KLHL1: variants seen among roughly 807,000 people sequenced by gnomAD.
The protein encoded by KLHL1 is kelch like family member 1.
KLHL1 carries 47 observed loss-of-function variants against 77.7 expected under a neutral mutation model. That is an observed-to-expected ratio of 0.60 (90% CI 0.48 to 0.77). KLHL1 has a LOEUF of 0.77. Among genes scored for constraint, KLHL1 ranks in the 30% least tolerant of loss-of-function variants. The pLI is 0.00. For missense variants in KLHL1, 925 were observed against 910.8 expected, an observed-to-expected ratio of 1.02 and a Z score of -0.20; for synonymous variants, 360 against 325.2, an observed-to-expected ratio of 1.11 and a Z score of -1.15.
chr13:70,106,912 C>G (rs151214473), intron 1 of KLHL1, among the ~76,000 whole-genome samples: 2,834 of 152,242 alleles, frequency 0.019, 45 homozygotes, highest in Middle Eastern at 0.027. Flanking sequence ...ACACCATAAT[C>G]TCAGGAATAT....
At chr13:70,022,047 C>T (rs1409673566) in intron 1 of KLHL1, among the ~76,000 whole-genome samples, 1 of 151,912 alleles carries the variant, frequency 6.6e-6, no homozygotes, top group Admixed American at 6.6e-5. Context: ...TAGATACAGA[C>T]ATTGCCAAAC....
chr13:70,038,372 A>C (rs1430860366), intron 1 of KLHL1, among the ~76,000 whole-genome samples: 1 of 152,100 alleles, frequency 6.6e-6, no homozygotes, highest in African/African-American at 2.4e-5. Context: ...AATGGTGCAC[A>C]GGTTTTTATG....
In KLHL1 at chr13:69,975,816, A is replaced by G; in HGVS notation, c.498-14T>C. The G allele has an allele frequency of 3.3e-6, 5 of 1,513,660 alleles. No homozygotes were observed. The highest frequency in any genetic ancestry group is 4.4e-6 in the Non-Finnish European group (5 of 1,130,960). 93.8% of individuals were successfully genotyped at this position (1,513,660 alleles called of 1,614,324 possible). A position where few individuals can be genotyped will look rare whatever the true frequency, so the allele number is the denominator to read the frequency against. On this transcript the variant is annotated splice_polypyrimidine_tract_variant and intron_variant, in intron 1 of 10. Coordinates refer to ENST00000377844, the MANE Select transcript of KLHL1 (RefSeq NM_020866.3). Reference sequence around the variant, plus strand: ...GTTGATGACAGCCTATAAACCACACACACACACACACACACACAAAATAAT... The same window carrying G: ...GTTGATGACAGCCTATAAACCACACGCACACACACACACACACAAAATAAT...
chr13:70,041,978 G>A (rs2137380415), intron 1 of KLHL1, among the ~76,000 whole-genome samples: 1 of 152,202 alleles, frequency 6.6e-6, no homozygotes, highest in Non-Finnish European at 1.5e-5. Context: ...GTTTCCTGTT[G>A]TGTTTGGTTA....
rs1888057553 is a variant in KLHL1 at position 70,106,421 on chromosome 13, T to C, written c.497+782A>G. On this transcript the variant is annotated intron_variant, in intron 1 of 10. Transcript: ENST00000377844. ...ATGTAAAACTTGGGAGTTTTATGTC[T>C]ATGAAGGATTTTCTGTAAGTCTTTA... 2.6e-5 allele frequency among the ~76,000 whole-genome samples: 4 copies of C among 152,152 alleles called. 1 individual carries two copies. In the South Asian group the frequency reaches 8.3e-4, roughly 32 times the overall value.
intron 5 of KLHL1, among the ~76,000 whole-genome samples, chr13:69,866,152 C>G (rs534635927): frequency 6.6e-6 from 1 of 152,042 alleles, no homozygotes; most frequent in Non-Finnish European, 1.5e-5. Context: ...GAAAAGAGTA[C>G]AGCACTTATG....
chr13:70,085,047 G>A (rs1297252957), intron 1 of KLHL1, among the ~76,000 whole-genome samples: 1 of 152,112 alleles, frequency 6.6e-6, no homozygotes, highest in Non-Finnish European at 1.5e-5. Context: ...AAATGAAGAT[G>A]CTAAAATCAT....
In KLHL1 at chr13:69,784,882, A is replaced by ATTTTTTTTT. The variant is rs775109435; in HGVS notation, c.1639+11847_1639+11855dup. Reference sequence around the variant, plus strand: ...TCCACCCCAAATCAACAGAATATACATTTTTTTTTTTTTTTTTTTTTTTTT... The same window carrying ATTTTTTTTT: ...TCCACCCCAAATCAACAGAATATACATTTTTTTTTTTTTTTTTTTTTTTTTTTTTTTTTT... On this transcript the variant is annotated intron_variant, in intron 7 of 10. Coordinates refer to ENST00000377844, the MANE Select transcript of KLHL1 (RefSeq NM_020866.3). Among the ~76,000 whole-genome samples, 17 of 79,486 alleles carry ATTTTTTTTT rather than the reference A, an allele frequency of 2.1e-4. 1 individual carries two copies. Among genetic ancestry groups the ATTTTTTTTT allele is most frequent in the Non-Finnish European group, 2.3e-4 (10 of 43,640 alleles). The allele number at this position is 79,486 out of a possible 152,430, so 52.1% of individuals were successfully genotyped here.
intron 4 of KLHL1, among the ~76,000 whole-genome samples, chr13:69,921,440 T>G (rs1305942689): frequency 6.6e-6 from 1 of 152,198 alleles, no homozygotes. Flanking sequence ...GGAGAGTTGC[T>G]TAGTCTAATT....
chr13:69,998,706 G>C (rs1437463948), intron 1 of KLHL1, among the ~76,000 whole-genome samples: 1 of 152,026 alleles, frequency 6.6e-6, no homozygotes, highest in African/African-American at 2.4e-5. Context: ...ACTAATTTCT[G>C]TAGGCCAGTA....
rs1318846534 is a variant in KLHL1, at chr13:69,828,512, ACTGAACACCAGTATTC to A, written c.1414+10448_1414+10463del. Among the ~76,000 whole-genome samples, 2 of 150,106 alleles carry A rather than the reference ACTGAACACCAGTATTC, an allele frequency of 1.3e-5. 1 individual carries two copies. The highest frequency in any genetic ancestry group is 3.0e-5 in the Non-Finnish European group (2 of 67,772). ...CCAGTTGAACTTTCTAATAATTTTG[ACTGAACACCAGTATTC>A]CTGGGTACAATCCAGGGCGGAGTGC... is the stretch of plus-strand genomic sequence containing the variant. On this transcript the variant is annotated intron_variant, in intron 6 of 10. Transcript: ENST00000377844.
At chr13:69,763,807 G>A (rs1245732403) in intron 7 of KLHL1, among the ~76,000 whole-genome samples, 2 of 152,192 alleles carry the variant, frequency 1.3e-5, no homozygotes, top group African/African-American at 4.8e-5. Context: ...AAACAGAAAT[G>A]TTAAAGAAGA....
chr13:69,857,496 G>A (rs1376499166), intron 5 of KLHL1, among the ~76,000 whole-genome samples: 1 of 151,956 alleles, frequency 6.6e-6, no homozygotes, highest in East Asian at 1.9e-4. Context: ...ATTAATGTAT[G>A]GTGATGAATA....
intron 3 of KLHL1, among the ~76,000 whole-genome samples, chr13:69,952,319 A>T (rs1234387203): frequency 1.3e-5 from 2 of 151,438 alleles, no homozygotes; most frequent in East Asian, 1.9e-4. Context: ...ATCTATCAGG[A>T]ATAAACTTAT....
At chr13:69,705,022 C>A (rs1169240795) in intron 10 of KLHL1, among the ~76,000 whole-genome samples, 1 of 151,714 alleles carries the variant, frequency 6.6e-6, no homozygotes, top group African/African-American at 2.4e-5. Context: ...CTCCTACTCC[C>A]AGCCAGAAAC....
intron 8 of KLHL1, among the ~76,000 whole-genome samples, chr13:69,723,590 C>T (rs1041802908): frequency 7.9e-5 from 12 of 152,154 alleles, no homozygotes; most frequent in African/African-American, 2.9e-4. Context: ...AAGGCACTCT[C>T]GAGTTAACCT....
intron 1 of KLHL1, among the ~76,000 whole-genome samples, chr13:70,104,867 T>C (rs907351510): frequency 6.6e-6 from 1 of 152,094 alleles, no homozygotes; most frequent in Non-Finnish European, 1.5e-5. Flanking sequence ...CCATTCAGTA[T>C]TTTACTTTGG....
At chr13:69,934,052 T>C (rs762576982) in intron 4 of KLHL1, among the ~76,000 whole-genome samples, 3 of 152,184 alleles carry the variant, frequency 2.0e-5, no homozygotes, top group African/African-American at 2.4e-5. Context: ...GAGTAAATTA[T>C]TTAACAATCC....
intron 6 of KLHL1, among the ~76,000 whole-genome samples, chr13:69,821,181 T>C (rs9564623): frequency 0.39 from 58,849 of 152,034 alleles, 11,580 homozygotes; most frequent in African/African-American, 0.4. Context: ...AAACAAATGG[T>C]AGGCTAGATA....
Sources: allele counts gnomAD v4.1 joint callset (sites outside exome capture counted in the v4.1 genomes callset), GRCh38; gene constraint gnomAD v4.1.1; transcripts MANE v1.5; gene names NCBI Gene and HGNC (gene_info 2026-07-23, HGNC 2026-07-21).